Variants in RBFOX1 observed in about 807,000 individuals in gnomAD.
RBFOX1 encodes the protein RNA binding fox-1 homolog 1, also known as RNA binding protein fox-1 homolog 1.
A neutral mutation model predicts 57.7 loss-of-function variants in RBFOX1; 8 were observed. The ratio of observed to expected loss-of-function variants is 0.14; its 90% CI spans 0.08 to 0.25. The LOEUF (loss-of-function observed/expected upper bound fraction) is 0.25. RBFOX1 is among the 10% of genes least tolerant of loss of function. The probability of loss-of-function intolerance (pLI) is 1.00; values close to 1 mark genes in which losing one functional copy is unlikely to be tolerated. For synonymous variants in RBFOX1, 326 were observed against 222.4 expected (o/e 1.47, Z -4.15); for missense variants, 611 against 548.5 (o/e 1.11, Z -1.14).
In RBFOX1 at chr16:5,565,956, C is replaced by T. The variant is rs115672104; in HGVS notation, c.259-32946C>T. On this transcript the variant is annotated intron_variant, in intron 2 of 2. Transcript: ENST00000585867. ...AATTGAAGCATGGGGGGCAGTTTCC[C>T]CCATAGTGTTCTCATGGTAGTGAAT... 7.4e-3 allele frequency among the ~76,000 whole-genome samples: 1,128 copies of T among 152,058 alleles called. 8 individuals are homozygous for T. Among genetic ancestry groups the T allele is most frequent in the African/African-American group, 0.025 (1,048 of 41,496 alleles).
intron 4 of RBFOX1, among the ~76,000 whole-genome samples, chr16:7,497,088 G>C (rs1360394862): frequency 6.6e-6 from 1 of 152,112 alleles, no homozygotes; most frequent in African/African-American, 2.4e-5. Flanking sequence ...GGCCAGCGTG[G>C]TCTTTCTAAG....
chr16:5,803,188 A>T (rs757897792), intron 3 of RBFOX1, among the ~76,000 whole-genome samples: 4 of 152,126 alleles, frequency 2.6e-5, no homozygotes, highest in Non-Finnish European at 5.9e-5. Flanking sequence ...ACCTTACCTC[A>T]TAGCCCTTTG....
intron 4 of RBFOX1, among the ~76,000 whole-genome samples, chr16:7,107,006 C>CAT (rs1246564240): frequency 6.6e-6 from 1 of 151,818 alleles, no homozygotes; most frequent in Non-Finnish European, 1.5e-5. Context: ...CACACACACA[C>CAT]ACTAAATGAA....
chr16:6,604,869 C>T (rs1032281510), intron 2 of RBFOX1, among the ~76,000 whole-genome samples: 1 of 152,050 alleles, frequency 6.6e-6, no homozygotes, highest in Non-Finnish European at 1.5e-5. Flanking sequence ...GGCCTGGTGG[C>T]ACACGCCTGT....
chr16:5,939,474 G>A (rs754932826), intron 4 of RBFOX1, among the ~76,000 whole-genome samples: 10 of 152,186 alleles, frequency 6.6e-5, no homozygotes, highest in Non-Finnish European at 1.2e-4. Flanking sequence ...CAAAATTCCT[G>A]TTTCTTGTCA....
chr16:5,518,268 T>C (rs1453745371), intron 2 of RBFOX1, among the ~76,000 whole-genome samples: 1 of 152,126 alleles, frequency 6.6e-6, no homozygotes, highest in Non-Finnish European at 1.5e-5. Context: ...TGCTGGAGTG[T>C]GGGTTCTTCT....
At chr16:7,387,756 C>A (rs950951513) in intron 4 of RBFOX1, among the ~76,000 whole-genome samples, 6 of 152,136 alleles carry the variant, frequency 3.9e-5, no homozygotes, top group Non-Finnish European at 8.8e-5. Flanking sequence ...CCCCACAATC[C>A]CATGAACAGC....
At chr16:6,417,675 C>G (rs1048395807) in intron 2 of RBFOX1, among the ~76,000 whole-genome samples, 1 of 149,112 alleles carries the variant, frequency 6.7e-6, no homozygotes, top group African/African-American at 2.5e-5. Context: ...CAGGTGTGAG[C>G]CACCATGTCT....
chr16:6,705,094 A>T (rs1352750856), intron 3 of RBFOX1: 1 of 152,156 alleles, frequency 6.6e-6, no homozygotes, highest in Non-Finnish European at 1.5e-5. Context: ...AGGCAGCACC[A>T]GGACCCTGTG....
chr16:7,380,499 G>T (rs2097766986), intron 4 of RBFOX1, among the ~76,000 whole-genome samples: 1 of 152,242 alleles, frequency 6.6e-6, no homozygotes, highest in African/African-American at 2.4e-5. Context: ...CTTAACATCT[G>T]TCTGGTAATC....
At chr16:5,999,225 C>T (rs1341244728) in intron 4 of RBFOX1, among the ~76,000 whole-genome samples, 2 of 152,208 alleles carry the variant, frequency 1.3e-5, no homozygotes, top group South Asian at 2.1e-4. Context: ...CTCTTCCCTT[C>T]TCCCACCTTA....
intron 4 of RBFOX1, among the ~76,000 whole-genome samples, chr16:5,914,646 C>T (rs1268456433): frequency 2.0e-5 from 3 of 152,168 alleles, no homozygotes; most frequent in African/African-American, 7.2e-5. Context: ...CCTGTAATCC[C>T]AGCACTTTGG....
At chr16:5,516,091 G>T (rs191125339) in intron 2 of RBFOX1, among the ~76,000 whole-genome samples, 4 of 152,308 alleles carry the variant, frequency 2.6e-5, no homozygotes. Context: ...GCTGGGAATG[G>T]TCAGCAAAGA....
intron 5 of RBFOX1, among the ~76,000 whole-genome samples, chr16:7,563,329 A>G (rs939015181): frequency 6.6e-6 from 1 of 152,208 alleles, no homozygotes; most frequent in South Asian, 2.1e-4. Context: ...GATAAAGGTA[A>G]TGAGACAGAG....
intron 2 of RBFOX1, among the ~76,000 whole-genome samples, chr16:6,395,330 G>T (rs1471439015): frequency 6.6e-6 from 1 of 152,166 alleles, no homozygotes; most frequent in African/African-American, 2.4e-5. Flanking sequence ...TGAGTCAAAT[G>T]AAAACTCTGT....
chr16:5,949,004 G>T, intron 4 of RBFOX1, among the ~76,000 whole-genome samples: 1 of 152,014 alleles, frequency 6.6e-6, no homozygotes, highest in East Asian at 1.9e-4. Context: ...TTCTCTCTAT[G>T]TGTTTGTGTG....
intron 2 of RBFOX1, among the ~76,000 whole-genome samples, chr16:5,534,389 A>G (rs1349479253): frequency 2.0e-5 from 3 of 152,318 alleles, no homozygotes; most frequent in South Asian, 4.1e-4. Flanking sequence ...AAGGAAGCCA[A>G]TAGTGGCTCA....
At chr16:6,526,820 ACT>A (rs1042970055) in intron 2 of RBFOX1, among the ~76,000 whole-genome samples, 1 of 114,694 alleles carries the variant, frequency 8.7e-6, no homozygotes, top group Non-Finnish European at 1.7e-5. Flanking sequence ...ACAGAGCGAG[ACT>A]CTGTCTCAAA....
At chr16:7,533,104 G>A (rs983097752) in intron 5 of RBFOX1, among the ~76,000 whole-genome samples, 1 of 152,212 alleles carries the variant, frequency 6.6e-6, no homozygotes, top group Admixed American at 6.5e-5. Context: ...CGCCAGCACT[G>A]CCTGTAGGGT....
Sources: gnomAD v4.1 joint callset for allele counts (sites outside exome capture counted in the v4.1 genomes callset) on GRCh38, gnomAD v4.1.1 for gene constraint, MANE v1.5 for transcripts, NCBI Gene and HGNC (gene_info 2026-07-23, HGNC 2026-07-21) for gene names.